The following SIRT5 variants were observed in gnomAD, a reference collection of about 807,000 sequenced individuals.
SIRT5 encodes sirtuin 5.
In SIRT5, 26 loss-of-function variants were observed where a neutral mutation model predicts 40.0. That is an observed-to-expected ratio of 0.65 (90% CI 0.48 to 0.90). SIRT5 has a LOEUF of 0.90. Among genes scored for constraint, SIRT5 ranks in the 40% least tolerant of loss-of-function variants. The pLI is 0.00. For missense variants in SIRT5, 401 were observed against 402.4 expected, an observed-to-expected ratio of 1.00 and a Z score of 0.03; for synonymous variants, 146 against 149.1, an observed-to-expected ratio of 0.98 and a Z score of 0.15.
rs1762023719 is a variant in SIRT5, at chr6:13,599,144, TTA to T, written c.732_733del (p.Cys245SerfsTer28). 6.2e-7 allele frequency: 1 copy of T among 1,613,826 alleles called. No individual in the cohort carries two copies. Among genetic ancestry groups the T allele is most frequent in the Non-Finnish European group, 8.5e-7 (1 of 1,179,936 alleles). ...TGACAGAGAGCTCGCCCACTGTGATTTATGTCTAGTGGTGGGTCATGCCCTTC... is the reference window on the plus strand; with the variant it reads ...TGACAGAGAGCTCGCCCACTGTGATTTGTCTAGTGGTGGGTCATGCCCTTC... ...EVDRELAHCD[L>X]CLVVGTSSVV... On this transcript the variant is annotated frameshift_variant, in exon 8 of 10. Transcript: ENST00000606117. LOFTEE classifies it high-confidence loss of function.
At chr6:13,608,406 C>T (rs1446866778) in intron 9 of SIRT5, among the ~76,000 whole-genome samples, 4 of 151,968 alleles carry the variant, frequency 2.6e-5, no homozygotes, top group Non-Finnish European at 4.4e-5. Context: ...GCCAACATGG[C>T]GAAACCCCAT....
intron 9 of SIRT5, among the ~76,000 whole-genome samples, chr6:13,610,484 C>T (rs1237535727): frequency 6.6e-6 from 1 of 152,200 alleles, no homozygotes; most frequent in Non-Finnish European, 1.5e-5. Context: ...AGACGTCCCT[C>T]TATTTGGTAC....
At chr6:13,591,611 G>T (rs1221386502) in intron 4 of SIRT5, 58 bp from the exon 5 acceptor site, 8 of 1,396,348 alleles carry the variant, frequency 5.7e-6, no homozygotes, top group Non-Finnish European at 7.7e-6. Context: ...TGTGCCCCAG[G>T]GTTCAGCATC....
intron 2 of SIRT5, among the ~76,000 whole-genome samples, chr6:13,583,363 C>T (rs1410792398): frequency 4.4e-5 from 6 of 136,606 alleles, no homozygotes; most frequent in South Asian, 4.6e-4. Context: ...GGTACAATCT[C>T]GGCTCACTGC....
At chr6:13,580,013 T>A (rs1040668771) in intron 2 of SIRT5, among the ~76,000 whole-genome samples, 1 of 152,132 alleles carries the variant, frequency 6.6e-6, no homozygotes, top group Non-Finnish European at 1.5e-5. Context: ...AGCACTGGAG[T>A]GATATTCATG....
chr6:13,591,049 G>A (rs960760506), intron 4 of SIRT5, among the ~76,000 whole-genome samples: 5 of 151,450 alleles, frequency 3.3e-5, no homozygotes, highest in African/African-American at 4.9e-5. Flanking sequence ...TGTAGTATAT[G>A]TAGTTGTGTG....
At position 13,600,712 on chromosome 6, in the gene SIRT5, T is replaced by C. The variant is rs1317816734; in HGVS notation, c.742-122T>C. The C allele has an allele frequency of 6.1e-6, 4 of 655,014 alleles. No homozygotes were observed. The East Asian group carries it at 1.1e-4, about 18-fold the overall frequency. The allele number at this position is 655,014 out of a possible 1,614,324, so 40.6% of individuals were successfully genotyped here. ...TTGGACACCCTGTTTTATCCCATCC[T>C]GTTTGGCTTTTCTCACACCTGCAAC... On this transcript the variant is annotated intron_variant, in intron 8 of 9. Coordinates refer to ENST00000606117, the MANE Select transcript of SIRT5 (RefSeq NM_012241.5).
intron 9 of SIRT5, among the ~76,000 whole-genome samples, chr6:13,606,517 G>A (rs1451451717): frequency 6.6e-6 from 1 of 152,184 alleles, no homozygotes; most frequent in Non-Finnish European, 1.5e-5. Flanking sequence ...TGGCTGTGCT[G>A]TCAAGGGCGG....
intron 4 of SIRT5, chr6:13,589,536 C>G (rs1341267817): frequency 6.6e-6 from 1 of 152,254 alleles, no homozygotes; most frequent in Non-Finnish European, 1.5e-5. Flanking sequence ...TAAATAAATA[C>G]TGCAATACAT....
In SIRT5 at chr6:13,591,713, G is replaced by T. The variant is rs201238552; in HGVS notation, c.294G>T (p.Val98=). The T allele has an allele frequency of 2.4e-5, 39 of 1,608,638 alleles. No homozygotes were observed. The highest frequency in any genetic ancestry group is 2.3e-4 in the Admixed American group (14 of 59,770). The stretch of plus-strand genomic sequence containing the variant: ...CCTTTGCCCACAACCCGTCCCGGGT[G>T]TGGGAGTTCTACCACTACCGGCGGG... The part of the protein sequence containing the change: ...PLAFAHNPSR[V]WEFYHYRREV... Residue 98 remains valine, a synonymous_variant, in exon 5 of 10, where the codon GTG becomes GTT. Transcript: ENST00000606117.
At chr6:13,602,548 T>C (rs1396865090) in intron 9 of SIRT5, among the ~76,000 whole-genome samples, 1 of 149,682 alleles carries the variant, frequency 6.7e-6, no homozygotes, top group Non-Finnish European at 1.5e-5. Context: ...CAAGACAGTG[T>C]GGCACTGGCA....
intron 5 of SIRT5, among the ~76,000 whole-genome samples, chr6:13,594,230 G>A (rs1215693651): frequency 6.6e-6 from 1 of 152,178 alleles, no homozygotes; most frequent in African/African-American, 2.4e-5. Flanking sequence ...ACAAGTCTGT[G>A]CAAGCATGAT....
intron 5 of SIRT5, among the ~76,000 whole-genome samples, chr6:13,593,311 C>G (rs1353756145): frequency 6.6e-6 from 1 of 152,170 alleles, no homozygotes; most frequent in African/African-American, 2.4e-5. Context: ...TTACTTAGAT[C>G]ACCCTGATAA....
intron 4 of SIRT5, chr6:13,589,647 TTGCCTCC>T (rs1255380273): frequency 6.6e-6 from 1 of 152,366 alleles, no homozygotes; most frequent in African/African-American, 2.4e-5. Context: ...TTTCGGTGTT[TTGCCTCC>T]TGCCTGCTGC....
At position 13,600,900 on chromosome 6, in the gene SIRT5, C is replaced by T; in HGVS notation, c.808C>T (p.Pro270Ser). Residue 270 changes from proline (P) to serine (S), a missense_variant, in exon 9 of 10, where the codon CCA becomes TCA. Coordinates refer to ENST00000606117, the MANE Select transcript of SIRT5 (RefSeq NM_012241.5). ...FAPQVAARGV[P>S]VAEFNTETTP... ...CCCCCAGGTGGCTGCCAGGGGCGTG[C>T]CAGTGGCTGAATTTAACACGGAGAC... The T allele has an allele frequency of 6.2e-7, 1 of 1,614,066 alleles. No individual in the cohort carries two copies. The highest frequency in any genetic ancestry group is 8.5e-7 in the Non-Finnish European group (1 of 1,179,998).
At chr6:13,583,656 AT>A (rs1032163501) in intron 2 of SIRT5, among the ~76,000 whole-genome samples, 6 of 152,204 alleles carry the variant, frequency 3.9e-5, no homozygotes, top group Non-Finnish European at 7.3e-5. Context: ...TTTCTTGTGC[AT>A]TTTAGTGGTC....
intron 1 of SIRT5, among the ~76,000 whole-genome samples, chr6:13,575,036 A>G (rs1758413524): frequency 6.6e-6 from 1 of 152,032 alleles, no homozygotes; most frequent in African/African-American, 2.4e-5. Context: ...CAGCTTGGCT[A>G]TGGGGCGTGC....
chr6:13,611,720 T>C, intron 9 of SIRT5, 70 bp from the exon 10 acceptor site: 1 of 1,095,558 alleles, frequency 9.1e-7, no homozygotes, highest in Non-Finnish European at 1.4e-6. Context: ...AAATAAGTGC[T>C]TGCTGAAGTA....
chr6:13,583,278 TC>T (rs1321889280), intron 2 of SIRT5, among the ~76,000 whole-genome samples: 4 of 150,188 alleles, frequency 2.7e-5, no homozygotes, highest in Non-Finnish European at 3.0e-5. Context: ...TTCTTTTTTT[TC>T]TTCTTTGTTC....
Sources: gnomAD v4.1 joint callset for allele counts (sites outside exome capture counted in the v4.1 genomes callset) on GRCh38, gnomAD v4.1.1 for gene constraint, MANE v1.5 for transcripts, NCBI Gene and HGNC (gene_info 2026-07-23, HGNC 2026-07-21) for gene names.